The following ROBO2 variants were observed in gnomAD, a reference collection of about 807,000 sequenced individuals.
ROBO2 encodes the protein roundabout homolog 2.
A neutral mutation model predicts 160.8 loss-of-function variants in ROBO2; 53 were observed. That is an observed-to-expected ratio of 0.33 (90% CI 0.26 to 0.41). The LOEUF (loss-of-function observed/expected upper bound fraction) is 0.41, where lower values mean the gene tolerates loss of function less well. Among genes scored for constraint, ROBO2 ranks in the 10% least tolerant of loss-of-function variants. The probability of loss-of-function intolerance (pLI) is 1.00; values close to 1 mark genes in which losing one functional copy is unlikely to be tolerated. For missense variants in ROBO2, 1,577 were observed against 1,722.4 expected (o/e 0.92, Z 1.49); for synonymous variants, 664 against 611.7 (o/e 1.09, Z -1.26).
chr3:76,782,144 C>T lies in ROBO2; in HGVS notation c.110-315870C>T, dbSNP rs73841619. The stretch of plus-strand genomic sequence containing the variant: ...TTTCCCTTTTGATTTCTTCTTTAAC[C>T]CATTGGTTGTTCAGAAGTATATTGC... On this transcript the variant is annotated intron_variant, in intron 2 of 26. Coordinates refer to the ROBO2 transcript ENST00000487694. Among the ~76,000 whole-genome samples the T allele has an allele frequency of 2.2e-3, 325 of 150,650 alleles. 2 individuals are homozygous for T. The highest frequency in any genetic ancestry group is 7.3e-3 in the African/African-American group (302 of 41,274).
intron 2 of ROBO2, among the ~76,000 whole-genome samples, chr3:76,504,033 A>G (rs1004929792): frequency 6.6e-6 from 1 of 152,232 alleles, no homozygotes; most frequent in Admixed American, 6.5e-5. Flanking sequence ...ATGATTTGCC[A>G]TGATTTGTAA....
rs376194468 is a variant in ROBO2, at chr3:76,773,900, T to C, written c.110-324114T>C. ...GTGGGGACCTTAATAACATGAGCTA[T>C]AAATTACCATTTGAGGAACTGGAGC... On this transcript the variant is annotated intron_variant, in intron 2 of 26. Transcript: ENST00000487694. 2.0e-4 allele frequency among the ~76,000 whole-genome samples: 30 copies of C among 151,026 alleles called. No individual in the cohort carries two copies. The East Asian group carries it at 5.3e-3, about 27-fold the overall frequency.
rs151029648 is a variant in ROBO2 at position 76,891,648 on chromosome 3, G to A, written c.110-206366G>A. Among the ~76,000 whole-genome samples, 308 of 152,190 alleles carry A rather than the reference G, an allele frequency of 2.0e-3. 1 individual carries two copies. Among genetic ancestry groups the A allele is most frequent in the African/African-American group, 6.9e-3 (286 of 41,522 alleles). ...AAACAAGAACTGTAAGTAGACAATC[G>A]AATCTAATGGTTTACGCTTCAGAAA... On this transcript the variant is annotated intron_variant, in intron 2 of 26. Transcript: ENST00000487694.
intron 2 of ROBO2, among the ~76,000 whole-genome samples, chr3:76,071,503 T>G (rs2068452813): frequency 6.6e-6 from 1 of 152,138 alleles, no homozygotes. Flanking sequence ...CATTCAAATT[T>G]TTATTTCAAC....
chr3:76,334,726 T>C (rs910531477), intron 2 of ROBO2, among the ~76,000 whole-genome samples: 1 of 152,154 alleles, frequency 6.6e-6, no homozygotes, highest in South Asian at 2.1e-4. Context: ...TATAGGATCA[T>C]TGAACTAAAC....
At chr3:76,814,690 G>T (rs571022212) in intron 2 of ROBO2, among the ~76,000 whole-genome samples, 2 of 151,914 alleles carry the variant, frequency 1.3e-5, no homozygotes, top group South Asian at 4.2e-4. Context: ...TGAGAGATAG[G>T]TCTGTAAACC....
At chr3:76,796,415 A>G (rs1223030651) in intron 2 of ROBO2, among the ~76,000 whole-genome samples, 2 of 151,384 alleles carry the variant, frequency 1.3e-5, no homozygotes, top group African/African-American at 2.4e-5. Context: ...CTTTCACAGG[A>G]AGGAAAAAAA....
At chr3:77,601,488 G>A (rs944735065) in intron 19 of ROBO2, among the ~76,000 whole-genome samples, 7 of 152,112 alleles carry the variant, frequency 4.6e-5, no homozygotes, top group South Asian at 2.1e-4. Context: ...GATATTCAGT[G>A]TTGCTCCTGG....
intron 2 of ROBO2, among the ~76,000 whole-genome samples, chr3:76,192,524 CCACACACACA>C (rs3039244): frequency 0.024 from 3,156 of 130,122 alleles, 154 homozygotes; most frequent in East Asian, 0.14. Flanking sequence ...CAACACTCCA[CCACACACACA>C]CACACACACA....
At chr3:77,305,508 C>T (rs988201083) in intron 2 of ROBO2, among the ~76,000 whole-genome samples, 1 of 152,154 alleles carries the variant, frequency 6.6e-6, no homozygotes, top group African/African-American at 2.4e-5. Context: ...CAGAAGGATA[C>T]AGTCTATGGT....
intron 2 of ROBO2, among the ~76,000 whole-genome samples, chr3:76,993,279 A>T (rs936740554): frequency 6.6e-6 from 1 of 152,184 alleles, no homozygotes; most frequent in Admixed American, 6.5e-5. Context: ...ATTATTGTTT[A>T]AAAAATAATA....
At chr3:76,945,207 C>G (rs2149134234) in intron 2 of ROBO2, among the ~76,000 whole-genome samples, 1 of 152,128 alleles carries the variant, frequency 6.6e-6, no homozygotes, top group Non-Finnish European at 1.5e-5. Context: ...GGCAGAAGCG[C>G]CAGTTTAGGG....
chr3:77,204,672 T>A (rs2083247676), intron 2 of ROBO2, among the ~76,000 whole-genome samples: 1 of 152,244 alleles, frequency 6.6e-6, no homozygotes, highest in South Asian at 2.1e-4. Context: ...GAGGTCCAAT[T>A]GACTATCCAG....
chr3:76,185,101 A>G (rs1701681875), intron 2 of ROBO2, among the ~76,000 whole-genome samples: 1 of 150,454 alleles, frequency 6.6e-6, no homozygotes, highest in Non-Finnish European at 1.5e-5. Context: ...CATCACAGGT[A>G]TGGACTCAGA....
chr3:76,096,819 G>A (rs2069470985), intron 2 of ROBO2, among the ~76,000 whole-genome samples: 1 of 152,144 alleles, frequency 6.6e-6, no homozygotes, highest in African/African-American at 2.4e-5. Context: ...CCACAATATT[G>A]TAGAGACGAG....
At chr3:76,156,407 T>C (rs528587730) in intron 2 of ROBO2, among the ~76,000 whole-genome samples, 53 of 152,296 alleles carry the variant, frequency 3.5e-4, no homozygotes, top group African/African-American at 1.2e-3. Flanking sequence ...CTGGTGTATC[T>C]GTAGATATGT....
At chr3:76,043,620 CAAAAAAAAAAAA>C (rs56988287) in intron 2 of ROBO2, among the ~76,000 whole-genome samples, 1 of 38,436 alleles carries the variant, frequency 2.6e-5, no homozygotes, top group African/African-American at 1.0e-4. Context: ...CTTCATCGTC[CAAAAAAAAAAAA>C]AAAAAAAAAA....
chr3:76,993,967 A>C (rs1377523309), intron 2 of ROBO2, among the ~76,000 whole-genome samples: 1 of 152,130 alleles, frequency 6.6e-6, no homozygotes, highest in African/African-American at 2.4e-5. Flanking sequence ...CATTACTGAA[A>C]TATGTCTCTG....
chr3:77,105,436 T>C (rs2072661806), intron 2 of ROBO2, among the ~76,000 whole-genome samples: 1 of 152,150 alleles, frequency 6.6e-6, no homozygotes, highest in African/African-American at 2.4e-5. Context: ...GGGAGGAGGA[T>C]ACTTACACAG....
Sources: allele counts gnomAD v4.1 joint callset (sites outside exome capture counted in the v4.1 genomes callset), GRCh38; gene constraint gnomAD v4.1.1; transcripts MANE v1.5; gene names NCBI Gene and HGNC (gene_info 2026-07-23, HGNC 2026-07-21).